The following SLC22A24 variants were observed in gnomAD, a reference collection of about 807,000 sequenced individuals.
SLC22A24 encodes the protein steroid transmembrane transporter SLC22A24.
SLC22A24 carries 53 observed loss-of-function variants against 49.8 expected under a neutral mutation model. That is an observed-to-expected ratio of 1.06 (90% CI 0.85 to 1.34). SLC22A24 has a LOEUF of 1.34. Among genes scored for constraint, SLC22A24 ranks in the 40% most tolerant of loss-of-function variants. The probability of loss-of-function intolerance (pLI) is 0.00; values close to 1 mark genes in which losing one functional copy is unlikely to be tolerated. For missense variants in SLC22A24, 786 were observed against 675.9 expected, an observed-to-expected ratio of 1.16 and a Z score of -1.81; for synonymous variants, 302 against 256.4, an observed-to-expected ratio of 1.18 and a Z score of -1.70.
intron 6 of SLC22A24, among the ~76,000 whole-genome samples, chr11:63,089,536 A>C (rs2087005897): frequency 6.6e-6 from 1 of 152,218 alleles, no homozygotes; most frequent in Admixed American, 6.5e-5. Flanking sequence ...ACCAGCTAGC[A>C]TCATGATGAT....
chr11:63,092,152 A>G (rs1446275658), intron 6 of SLC22A24, among the ~76,000 whole-genome samples: 2 of 152,204 alleles, frequency 1.3e-5, no homozygotes, highest in South Asian at 4.2e-4. Context: ...CCCATTCACA[A>G]TTGCTACAAA....
intron 6 of SLC22A24, among the ~76,000 whole-genome samples, chr11:63,091,844 C>T (rs561822633): frequency 6.6e-6 from 1 of 152,230 alleles, no homozygotes; most frequent in South Asian, 2.1e-4. Context: ...TGAAAACCGG[C>T]ACAAGACAAA....
intron 9 of SLC22A24, 104 bp from the exon 10 acceptor site, chr11:63,080,104 T>C: frequency 2.9e-6 from 2 of 687,862 alleles, no homozygotes; most frequent in Non-Finnish European, 5.0e-6. Flanking sequence ...AGCTGCCCTC[T>C]ACCCACCAGC....
chr11:63,093,806 C>T (rs2087035352), intron 6 of SLC22A24, among the ~76,000 whole-genome samples: 1 of 152,020 alleles, frequency 6.6e-6, no homozygotes, highest in South Asian at 2.1e-4. Context: ...ACGAGTTTAC[C>T]TATATTACAA....
intron 2 of SLC22A24, among the ~76,000 whole-genome samples, chr11:63,130,400 A>G (rs2087325227): frequency 6.6e-6 from 1 of 152,064 alleles, no homozygotes; most frequent in African/African-American, 2.4e-5. Context: ...GAGGATTTTC[A>G]CATCAATGTT....
chr11:63,093,482 C>T (rs1176336596), intron 6 of SLC22A24, among the ~76,000 whole-genome samples: 1 of 152,116 alleles, frequency 6.6e-6, no homozygotes, highest in African/African-American at 2.4e-5. Context: ...GAAAATGTGG[C>T]ACATATACAC....
chr11:63,140,919 G>C (rs908611759), intron 1 of SLC22A24, among the ~76,000 whole-genome samples: 1 of 152,126 alleles, frequency 6.6e-6, no homozygotes, highest in Non-Finnish European at 1.5e-5. Flanking sequence ...AAAGTGAAAA[G>C]GTTTTGTAAA....
At chr11:63,124,301 G>T (rs888548099) in intron 2 of SLC22A24, among the ~76,000 whole-genome samples, 2 of 152,118 alleles carry the variant, frequency 1.3e-5, no homozygotes, top group Admixed American at 6.5e-5. Flanking sequence ...TCTAGCTCCT[G>T]GGGGGAAGAA....
chr11:63,099,371 A>ATTTCTTTTTTTTTTTTTTT (rs2087076404), intron 5 of SLC22A24, among the ~76,000 whole-genome samples: 1 of 52,320 alleles, frequency 1.9e-5, no homozygotes, highest in Non-Finnish European at 3.2e-5. Flanking sequence ...AATTTTTAAG[A>ATTTCTTTTTTTTTTTTTTT]TTTTTTTTTT....
rs572188910 is a variant in SLC22A24, at chr11:63,137,462, T to C, written c.403-2694A>G. On this transcript the variant is annotated intron_variant, in intron 1 of 9. Coordinates refer to ENST00000612278, the MANE Select transcript of SLC22A24 (RefSeq NM_001136506.2). Reference sequence around the variant, plus strand: ...CTAAAAAAGGCTCAACAGGCCTGTCTCTCATGGTAACTATCTGCTCTTTGC... The same window carrying C: ...CTAAAAAAGGCTCAACAGGCCTGTCCCTCATGGTAACTATCTGCTCTTTGC... 1.3e-4 allele frequency among the ~76,000 whole-genome samples: 20 copies of C among 152,300 alleles called. 1 individual carries two copies. Among genetic ancestry groups the C allele is most frequent in the Admixed American group, 1.2e-3 (19 of 15,292 alleles).
At chr11:63,104,462 A>C (rs73495696) in intron 4 of SLC22A24, among the ~76,000 whole-genome samples, 164 bp from the exon 5 acceptor site, 3,102 of 152,274 alleles carry the variant, frequency 0.02, 113 homozygotes, top group African/African-American at 0.07. Flanking sequence ...AGGGTGAAGG[A>C]TGTATCTGGC....
intron 1 of SLC22A24, among the ~76,000 whole-genome samples, chr11:63,142,849 A>G (rs541176229): frequency 6.6e-6 from 1 of 152,244 alleles, no homozygotes; most frequent in South Asian, 2.1e-4. Flanking sequence ...GTTATCCTTA[A>G]AAACTCTGCT....
chr11:63,081,453 G>A (rs555596534), intron 8 of SLC22A24, 105 bp downstream of exon 8: 31 of 806,386 alleles, frequency 3.8e-5, no homozygotes, highest in Middle Eastern at 2.4e-4. Context: ...TTCTATTACA[G>A]TTAATTCATC....
chr11:63,141,150 G>A (rs542432711), intron 1 of SLC22A24, among the ~76,000 whole-genome samples: 101 of 152,086 alleles, frequency 6.6e-4, no homozygotes, highest in Admixed American at 3.1e-3. Context: ...CTTATCTTAT[G>A]GTCAAACTAA....
rs866511473 is a variant in SLC22A24, at chr11:63,113,143, T to C, written c.830+5769A>G. ...ATATATATACATATATATATACACA[T>C]ATATATATACATATATATATACACA... On this transcript the variant is annotated intron_variant, in intron 4 of 9. Coordinates refer to ENST00000612278, the MANE Select transcript of SLC22A24 (RefSeq NM_001136506.2). Among the ~76,000 whole-genome samples, 12 of 5,080 alleles carry C rather than the reference T, an allele frequency of 2.4e-3. 2 individuals are homozygous for C. The highest frequency in any genetic ancestry group is 7.3e-3 in the African/African-American group (12 of 1,654). The allele number at this position is 5,080 out of a possible 152,430, so 3.3% of individuals were successfully genotyped here.
At chr11:63,106,106 G>C (rs185666733) in intron 4 of SLC22A24, among the ~76,000 whole-genome samples, 4 of 108,032 alleles carry the variant, frequency 3.7e-5, no homozygotes, top group African/African-American at 1.5e-4. Flanking sequence ...AACAGTCCCC[G>C]GTGTGTGATG....
At chr11:63,125,231 A>G (rs2087281544) in intron 2 of SLC22A24, among the ~76,000 whole-genome samples, 1 of 152,094 alleles carries the variant, frequency 6.6e-6, no homozygotes, top group South Asian at 2.1e-4. Flanking sequence ...ATAGGTGTAC[A>G]AGTGCCATGG....
intron 1 of SLC22A24, among the ~76,000 whole-genome samples, chr11:63,139,822 G>A (rs2087401879): frequency 6.6e-6 from 1 of 152,078 alleles, no homozygotes; most frequent in African/African-American, 2.4e-5. Flanking sequence ...TTTCCTCCAA[G>A]GGCTCTACCT....
intron 6 of SLC22A24, among the ~76,000 whole-genome samples, chr11:63,091,415 A>G (rs2087019847): frequency 2.6e-5 from 4 of 152,232 alleles, no homozygotes; most frequent in Admixed American, 2.0e-4. Flanking sequence ...TGAGGCCAGC[A>G]TCTTCCTGAT....
Sources: gnomAD v4.1 joint callset for allele counts (sites outside exome capture counted in the v4.1 genomes callset) on GRCh38, gnomAD v4.1.1 for gene constraint, MANE v1.5 for transcripts, NCBI Gene and HGNC (gene_info 2026-07-23, HGNC 2026-07-21) for gene names.